Variants in PLCH1 observed in about 807,000 individuals in gnomAD.
PLCH1 encodes 1-phosphatidylinositol 4,5-bisphosphate phosphodiesterase eta-1.
PLCH1 carries 60 observed loss-of-function variants against 126.7 expected under a neutral mutation model. That is an observed-to-expected ratio of 0.47 (90% CI 0.38 to 0.59). The LOEUF (loss-of-function observed/expected upper bound fraction) is 0.59. Among genes scored for constraint, PLCH1 ranks in the 20% least tolerant of loss-of-function variants. The probability of loss-of-function intolerance (pLI) is 0.00; values close to 1 mark genes in which losing one functional copy is unlikely to be tolerated. For missense variants in PLCH1, 1,723 were observed against 2,040.0 expected (o/e 0.84, Z 2.99); for synonymous variants, 719 against 734.9 (o/e 0.98, Z 0.35).
At chr3:155,589,053 A>G (rs1430233337) in intron 4 of PLCH1, among the ~76,000 whole-genome samples, 1 of 152,228 alleles carries the variant, frequency 6.6e-6, no homozygotes, top group Non-Finnish European at 1.5e-5. Context: ...CACCATAATA[A>G]TTTTAAAAAG....
Position 155,569,790 on chromosome 3 carries a change from T to C in PLCH1, c.772-1466A>G, listed in dbSNP as rs559213676. 7.2e-4 allele frequency among the ~76,000 whole-genome samples: 110 copies of C among 152,282 alleles called. 2 individuals carry two copies. The highest frequency in any genetic ancestry group is 2.6e-3 in the African/African-American group (107 of 41,566). On this transcript the variant is annotated intron_variant, in intron 6 of 22. Coordinates refer to ENST00000460012, the MANE Select transcript of PLCH1 (RefSeq NM_014996.4). Reference sequence around the variant, plus strand: ...TTATAAGCCCATTTGTTCAGAAATGTAGAGGTCTTAAACTGGACTCAGGTA... The same window carrying C: ...TTATAAGCCCATTTGTTCAGAAATGCAGAGGTCTTAAACTGGACTCAGGTA...
chr3:155,688,162 C>G (rs7636703), intron 2 of PLCH1, among the ~76,000 whole-genome samples: 33,208 of 152,164 alleles, frequency 0.22, 4,104 homozygotes, highest in African/African-American at 0.34. Context: ...TGATGGGAAA[C>G]CAGGACCTCA....
chr3:155,638,570 T>A lies in PLCH1; in HGVS notation c.80-42192A>T, dbSNP rs1470496069. On this transcript the variant is annotated intron_variant, in intron 2 of 22. Transcript: ENST00000460012. ...CTTCATTTTGGATTTAGGCTATGAT[T>A]TTTCTGATTTTTCTCTTTGCATGTG... is the stretch of plus-strand genomic sequence containing the variant. Among the ~76,000 whole-genome samples the A allele has an allele frequency of 2.0e-5, 3 of 152,336 alleles. No homozygotes were observed. In the East Asian group the frequency reaches 5.8e-4, roughly 29 times the overall value.
At chr3:155,597,227 T>G (rs1359420645) in intron 2 of PLCH1, among the ~76,000 whole-genome samples, 1 of 152,194 alleles carries the variant, frequency 6.6e-6, no homozygotes, top group East Asian at 1.9e-4. Flanking sequence ...TGACTTAAGC[T>G]TGGAGCAAAT....
chr3:155,469,605 G>A (rs1048610783), intron 21 of PLCH1, among the ~76,000 whole-genome samples: 2 of 152,186 alleles, frequency 1.3e-5, no homozygotes, highest in Non-Finnish European at 2.9e-5. Flanking sequence ...GCATCTGTAG[G>A]CTCCACCTCT....
chr3:155,503,874 T>A (rs185580137), intron 13 of PLCH1, among the ~76,000 whole-genome samples: 1 of 152,360 alleles, frequency 6.6e-6, no homozygotes. Context: ...ACAATAGAAC[T>A]GCTAAGTCAT....
At chr3:155,547,251 A>G (rs1725456096) in intron 10 of PLCH1, among the ~76,000 whole-genome samples, 1 of 150,744 alleles carries the variant, frequency 6.6e-6, no homozygotes, top group Non-Finnish European at 1.5e-5. Context: ...ACACTTCTCA[A>G]AAGAAGACAT....
At chr3:155,733,052 A>C (rs1035598889) in intron 1 of PLCH1, among the ~76,000 whole-genome samples, 3 of 152,162 alleles carry the variant, frequency 2.0e-5, no homozygotes, top group Non-Finnish European at 4.4e-5. Flanking sequence ...AACACTGATG[A>C]AATAAATTAA....
chr3:155,716,799 C>A (rs143960197), intron 1 of PLCH1, among the ~76,000 whole-genome samples: 3 of 152,160 alleles, frequency 2.0e-5, no homozygotes, highest in Non-Finnish European at 2.9e-5. Context: ...CTTGGCCCCC[C>A]AAATCTCATG....
At chr3:155,597,850 C>T (rs1021794661) in intron 2 of PLCH1, among the ~76,000 whole-genome samples, 15 of 152,100 alleles carry the variant, frequency 9.9e-5, no homozygotes, top group African/African-American at 3.4e-4. Context: ...GTTGCGTTTA[C>T]TCATTTTATC....
intron 6 of PLCH1, among the ~76,000 whole-genome samples, chr3:155,571,792 T>C (rs1327803978): frequency 1.3e-5 from 2 of 152,256 alleles, no homozygotes; most frequent in African/African-American, 4.8e-5. Context: ...AGTTAGATCT[T>C]TAACATAATA....
At chr3:155,639,488 T>A (rs1213806380) in intron 2 of PLCH1, among the ~76,000 whole-genome samples, 2 of 152,028 alleles carry the variant, frequency 1.3e-5, no homozygotes, top group Non-Finnish European at 2.9e-5. Flanking sequence ...GCAATGTATA[T>A]GGCAATCACA....
rs1378622184 is a variant in PLCH1, at chr3:155,485,475, G to A, written c.2855C>T (p.Thr952Ile). ...TRDQDGVLRR[T>I]TRSLQARPVS... ...AGGGCGTGCTTGCAAACTGCGTGTG[G>A]TCCTCCTCAGCACGCCATCTTGATC... The change falls in exon 22 of 23, where the codon ACC becomes ATC. Residue 952 changes from threonine (T) to isoleucine (I), a missense_variant. By Grantham distance (89) the Thr-to-Ile change is moderately conservative (BLOSUM62 -1). Coordinates refer to ENST00000460012, the MANE Select transcript of PLCH1 (RefSeq NM_014996.4). 6.2e-7 allele frequency: 1 copy of A among 1,613,966 alleles called. No individual in the cohort carries two copies. The highest frequency in any genetic ancestry group is 1.1e-5 in the South Asian group (1 of 91,078).
intron 2 of PLCH1, among the ~76,000 whole-genome samples, chr3:155,649,248 C>T (rs1740412336): frequency 6.6e-6 from 1 of 152,154 alleles, no homozygotes; most frequent in African/African-American, 2.4e-5. Flanking sequence ...TTGATTTAGA[C>T]ATGCCTGAAG....
chr3:155,544,273 A>C (rs986319366), intron 10 of PLCH1, among the ~76,000 whole-genome samples: 2 of 152,236 alleles, frequency 1.3e-5, no homozygotes, highest in African/African-American at 4.8e-5. Flanking sequence ...ACCAACAAAG[A>C]TCAAAAGAGA....
At chr3:155,568,505 C>A (rs539070200) in intron 6 of PLCH1, among the ~76,000 whole-genome samples, 181 bp from the exon 7 acceptor site, 1 of 152,286 alleles carries the variant, frequency 6.6e-6, no homozygotes, top group East Asian at 1.9e-4. Flanking sequence ...ATTCAATCTT[C>A]CTATGCATTT....
chr3:155,521,096 C>T (rs1019532591), intron 11 of PLCH1, among the ~76,000 whole-genome samples: 1 of 152,130 alleles, frequency 6.6e-6, no homozygotes, highest in African/African-American at 2.4e-5. Context: ...TGTTCAAATG[C>T]ATCTTCCCTG....
chr3:155,737,985 C>T (rs764258536), intron 1 of PLCH1, among the ~76,000 whole-genome samples: 8 of 152,128 alleles, frequency 5.3e-5, no homozygotes, highest in Non-Finnish European at 1.0e-4. Flanking sequence ...ACCTTGAGTG[C>T]CTTGGATCAG....
At chr3:155,626,271 G>C (rs1367860164) in intron 2 of PLCH1, among the ~76,000 whole-genome samples, 1 of 151,714 alleles carries the variant, frequency 6.6e-6, no homozygotes, top group Non-Finnish European at 1.5e-5. Context: ...CCCAATGTCA[G>C]AAACACAGGA....
Sources: allele counts gnomAD v4.1 joint callset (sites outside exome capture counted in the v4.1 genomes callset), GRCh38; gene constraint gnomAD v4.1.1; transcripts MANE v1.5; gene names NCBI Gene and HGNC (gene_info 2026-07-23, HGNC 2026-07-21).